THSD7B: variants seen among roughly 807,000 people sequenced by gnomAD.
THSD7B encodes the protein thrombospondin type-1 domain-containing protein 7B.
THSD7B carries 138 observed loss-of-function variants against 213.6 expected under a neutral mutation model. The observed-to-expected ratio is 0.65, with a 90% CI of 0.56 to 0.74. THSD7B has a LOEUF of 0.74. Among genes scored for constraint, THSD7B ranks in the 30% least tolerant of loss-of-function variants. THSD7B has a pLI of 0.00. For missense variants in THSD7B, 1,931 were observed against 1,991.5 expected, an observed-to-expected ratio of 0.97 and a Z score of 0.58; for synonymous variants, 742 against 687.0, an observed-to-expected ratio of 1.08 and a Z score of -1.25.
intron 8 of THSD7B, among the ~76,000 whole-genome samples, chr2:137,232,126 T>C (rs1295620805): frequency 2.0e-5 from 3 of 152,326 alleles, no homozygotes; most frequent in Middle Eastern, 3.4e-3. Context: ...CCTGGGCATT[T>C]GGGCCACTGA....
intron 2 of THSD7B, among the ~76,000 whole-genome samples, chr2:137,047,854 T>C (rs1686997453): frequency 6.6e-6 from 1 of 152,228 alleles, no homozygotes; most frequent in African/African-American, 2.4e-5. Context: ...AGTGGAGTTT[T>C]GGAGTGTCTC....
At chr2:137,057,743 C>T (rs991346237) in intron 3 of THSD7B, among the ~76,000 whole-genome samples, 2 of 151,912 alleles carry the variant, frequency 1.3e-5, no homozygotes, top group Admixed American at 6.6e-5. Flanking sequence ...GCAATAATAC[C>T]GAAAAGTTGT....
At position 137,051,497 on chromosome 2, in the gene THSD7B, A is replaced by G. The variant is rs867918163; in HGVS notation, c.140-4923A>G. 2.6e-5 allele frequency among the ~76,000 whole-genome samples: 4 copies of G among 152,324 alleles called. 1 individual carries two copies. In the Middle Eastern group the frequency reaches 0.014, roughly 518 times the overall value. The stretch of plus-strand genomic sequence containing the variant: ...GAAGTAAAAGTCACTACATTAACCT[A>G]TTGGAAGTAAAGCATCTTATAAGTA... On this transcript the variant is annotated intron_variant, in intron 2 of 27. Transcript: ENST00000409968.
chr2:137,510,039 A>T (rs999382945), intron 15 of THSD7B, among the ~76,000 whole-genome samples: 1 of 152,028 alleles, frequency 6.6e-6, no homozygotes, highest in African/African-American at 2.4e-5. Flanking sequence ...TCTCTTGTTA[A>T]TATTAAATAA....
chr2:136,861,004 C>T (rs1683250251), intron 1 of THSD7B, among the ~76,000 whole-genome samples: 1 of 152,240 alleles, frequency 6.6e-6, no homozygotes, highest in Non-Finnish European at 1.5e-5. Flanking sequence ...GCGTAGCTCA[C>T]TTCTAATCTG....
At chr2:137,518,876 C>T (rs867118160) in intron 15 of THSD7B, among the ~76,000 whole-genome samples, 4 of 152,200 alleles carry the variant, frequency 2.6e-5, no homozygotes, top group African/African-American at 9.7e-5. Context: ...TCAGGGTGAT[C>T]GGCCAGCTAC....
At chr2:136,826,477 C>T (rs1449096179) in intron 1 of THSD7B, among the ~76,000 whole-genome samples, 1 of 152,166 alleles carries the variant, frequency 6.6e-6, no homozygotes, top group Non-Finnish European at 1.5e-5. Context: ...TAAGTAACTG[C>T]AAGAGGACTG....
intron 15 of THSD7B, among the ~76,000 whole-genome samples, chr2:137,554,890 C>A (rs1680923784): frequency 6.6e-6 from 1 of 152,072 alleles, no homozygotes; most frequent in Non-Finnish European, 1.5e-5. Context: ...AACAGCACAC[C>A]AAATTATGTC....
intron 11 of THSD7B, among the ~76,000 whole-genome samples, chr2:137,274,391 C>T (rs1303239285): frequency 6.6e-6 from 1 of 152,016 alleles, no homozygotes; most frequent in African/African-American, 2.4e-5. Flanking sequence ...TTTAATTTGT[C>T]AAGTGAATTT....
chr2:136,857,621 A>G (rs1683196268), intron 1 of THSD7B, among the ~76,000 whole-genome samples: 2 of 134,550 alleles, frequency 1.5e-5, no homozygotes, highest in Admixed American at 1.5e-4. Flanking sequence ...ATGCACACAC[A>G]CACAAACACA....
intron 15 of THSD7B, among the ~76,000 whole-genome samples, chr2:137,503,393 C>T (rs1679755530): frequency 6.6e-6 from 1 of 152,188 alleles, no homozygotes. Context: ...TTCAAAATCA[C>T]AGCTATTCCC....
chr2:137,040,959 G>T (rs569534050), intron 2 of THSD7B, among the ~76,000 whole-genome samples: 1 of 152,168 alleles, frequency 6.6e-6, no homozygotes, highest in Non-Finnish European at 1.5e-5. Flanking sequence ...ATCACAAGGG[G>T]AATAAAGAGT....
chr2:136,858,033 C>A (rs1683202400), intron 1 of THSD7B, among the ~76,000 whole-genome samples: 1 of 152,164 alleles, frequency 6.6e-6, no homozygotes, highest in Non-Finnish European at 1.5e-5. Context: ...TGTAGCCTTT[C>A]TTCCTAAGCC....
At chr2:137,422,451 T>C (rs1354317577) in intron 14 of THSD7B, among the ~76,000 whole-genome samples, 1 of 152,214 alleles carries the variant, frequency 6.6e-6, no homozygotes, top group African/African-American at 2.4e-5. Context: ...TGATGAATTC[T>C]CATTTGAAGA....
chr2:137,107,822 C>G (rs993525127), intron 4 of THSD7B, among the ~76,000 whole-genome samples: 1 of 152,260 alleles, frequency 6.6e-6, no homozygotes, highest in East Asian at 1.9e-4. Flanking sequence ...GTTTGGCTGG[C>G]AAAGTCATTT....
intron 10 of THSD7B, among the ~76,000 whole-genome samples, chr2:137,263,677 A>G (rs1277224162): frequency 1.3e-5 from 2 of 152,220 alleles, no homozygotes; most frequent in African/African-American, 4.8e-5. Context: ...TTTCATTTGT[A>G]TATAGATAGA....
At chr2:136,886,866 A>G (rs1683728333) in intron 2 of THSD7B, among the ~76,000 whole-genome samples, 1 of 152,120 alleles carries the variant, frequency 6.6e-6, no homozygotes, top group African/African-American at 2.4e-5. Context: ...ATTCTTGTGG[A>G]GGTGTCGACT....
At chr2:137,025,062 C>T (rs1271603633) in intron 2 of THSD7B, among the ~76,000 whole-genome samples, 2 of 152,124 alleles carry the variant, frequency 1.3e-5, no homozygotes, top group Admixed American at 1.3e-4. Flanking sequence ...AGTAGCCCAT[C>T]CGTACCAGTC....
chr2:137,106,933 A>G (rs928761825), intron 4 of THSD7B, among the ~76,000 whole-genome samples: 1 of 152,196 alleles, frequency 6.6e-6, no homozygotes, highest in Non-Finnish European at 1.5e-5. Context: ...ATGCTTTTAC[A>G]CTGTTGGTAG....
Sources: allele counts gnomAD v4.1 joint callset (sites outside exome capture counted in the v4.1 genomes callset), GRCh38; gene constraint gnomAD v4.1.1; transcripts MANE v1.5; gene names NCBI Gene and HGNC (gene_info 2026-07-23, HGNC 2026-07-21).